The following AK5 variants were observed in gnomAD, a reference collection of about 807,000 sequenced individuals.
AK5 encodes adenylate kinase 5.
Under a neutral mutation model 69.5 loss-of-function variants are expected in AK5, and 27 were observed. The observed-to-expected ratio is 0.39, with a 90% CI of 0.29 to 0.54. AK5 has a LOEUF of 0.54. Ranked by LOEUF, AK5 falls within the 20% of genes least tolerant of loss-of-function variation. The probability of loss-of-function intolerance (pLI) is 0.71; values close to 1 mark genes in which losing one functional copy is unlikely to be tolerated. For synonymous variants in AK5, 260 were observed against 244.4 expected, an observed-to-expected ratio of 1.06 and a Z score of -0.60; for missense variants, 531 against 700.4, an observed-to-expected ratio of 0.76 and a Z score of 2.73.
chr1:77,347,423 G>A (rs1661971295), intron 6 of AK5, among the ~76,000 whole-genome samples: 2 of 150,950 alleles, frequency 1.3e-5, no homozygotes, highest in South Asian at 2.1e-4. Context: ...AGATGGTGCC[G>A]TTCTCAGAAA....
At chr1:77,355,902 CACAT>C (rs998666419) in intron 6 of AK5, among the ~76,000 whole-genome samples, 47 of 134,464 alleles carry the variant, frequency 3.5e-4, no homozygotes, top group African/African-American at 7.5e-4. Flanking sequence ...CACACACACA[CACAT>C]ATATATATAC....
intron 13 of AK5, among the ~76,000 whole-genome samples, chr1:77,550,305 T>A (rs1195828904): frequency 6.6e-6 from 1 of 152,206 alleles, no homozygotes; most frequent in Non-Finnish European, 1.5e-5. Flanking sequence ...ATTAAATACA[T>A]TAAGACCTCA....
intron 8 of AK5, among the ~76,000 whole-genome samples, chr1:77,449,933 T>C (rs1653035649): frequency 6.6e-6 from 1 of 152,202 alleles, no homozygotes; most frequent in Non-Finnish European, 1.5e-5. Context: ...TTATGCTGTT[T>C]CCCTTTTAAA....
At chr1:77,477,258 G>A (rs1437705484) in intron 8 of AK5, among the ~76,000 whole-genome samples, 2 of 152,120 alleles carry the variant, frequency 1.3e-5, no homozygotes, top group African/African-American at 4.8e-5. Context: ...AAACTCCTGG[G>A]CTCAAATGAT....
At chr1:77,286,913 T>G in intron 1 of AK5, 28 bp from the exon 2 acceptor site, 1 of 1,331,004 alleles carries the variant, frequency 7.5e-7, no homozygotes. Context: ...AAAGATATTT[T>G]ATTTGTACAT....
At chr1:77,302,686 C>A (rs560646124) in intron 5 of AK5, among the ~76,000 whole-genome samples, 64 of 152,222 alleles carry the variant, frequency 4.2e-4, no homozygotes, top group African/African-American at 1.5e-3. Context: ...GCTTTTTTAA[C>A]CTTGTGCGGT....
rs963145158 is a variant in AK5, at chr1:77,367,357, C to A, written c.891+26789C>A. On this transcript the variant is annotated intron_variant, in intron 6 of 13. Transcript: ENST00000354567. ...TGGTTTTTGTTTTTTGAGACAGGAT[C>A]TCACTCTGTCACCCAGGCTGCAGTG... Among the ~76,000 whole-genome samples the A allele has an allele frequency of 5.3e-5, 8 of 150,060 alleles. No homozygotes were observed. The Admixed American group carries it at 5.4e-4, about 10-fold the overall frequency.
At chr1:77,515,527 C>A (rs1657585281) in intron 10 of AK5, among the ~76,000 whole-genome samples, 1 of 152,190 alleles carries the variant, frequency 6.6e-6, no homozygotes, top group South Asian at 2.1e-4. Context: ...TTATGGTGCA[C>A]TTACGATGTG....
At chr1:77,435,450 C>A (rs1651896097) in intron 8 of AK5, among the ~76,000 whole-genome samples, 1 of 152,040 alleles carries the variant, frequency 6.6e-6, no homozygotes, top group Admixed American at 6.6e-5. Flanking sequence ...GAGACCGAGA[C>A]CATCGTGGCC....
At chr1:77,485,143 A>G (rs1037571118) in intron 9 of AK5, among the ~76,000 whole-genome samples, 1 of 152,206 alleles carries the variant, frequency 6.6e-6, no homozygotes, top group African/African-American at 2.4e-5. Context: ...ACTCCAAACA[A>G]TGTAAGGTGT....
chr1:77,487,303 T>C (rs2100730403), intron 10 of AK5, among the ~76,000 whole-genome samples: 1 of 152,322 alleles, frequency 6.6e-6, no homozygotes, highest in South Asian at 2.1e-4. Context: ...ATGAAGCTAA[T>C]GAGTGTGTGA....
chr1:77,436,701 AT>A (rs1651983542), intron 8 of AK5, among the ~76,000 whole-genome samples: 1 of 151,958 alleles, frequency 6.6e-6, no homozygotes, highest in Non-Finnish European at 1.5e-5. Context: ...TTTATAAATG[AT>A]TATACCATTT....
intron 6 of AK5, among the ~76,000 whole-genome samples, chr1:77,400,751 C>T (rs1487318106): frequency 6.6e-6 from 1 of 151,934 alleles, no homozygotes; most frequent in Non-Finnish European, 1.5e-5. Flanking sequence ...TTTTTCCCCA[C>T]AAAGTTCTCT....
chr1:77,356,813 A>G (rs573727568), intron 6 of AK5, among the ~76,000 whole-genome samples: 32 of 152,312 alleles, frequency 2.1e-4, no homozygotes, highest in African/African-American at 7.2e-4. Flanking sequence ...CTGACAAGAG[A>G]GAAATTCCCA....
At position 77,293,820 on chromosome 1, in the gene AK5, A is replaced by G. The variant is rs753053831; in HGVS notation, c.275A>G (p.Tyr92Cys). 2.5e-6 allele frequency: 4 copies of G among 1,605,716 alleles called. No homozygotes were observed. The highest frequency in any genetic ancestry group is 2.3e-5 in the South Asian group (2 of 88,518). Residue 92 changes from tyrosine (Y) to cysteine (C), a missense_variant, in exon 3 of 14, where the codon TAT (tyrosine) becomes TGT (cysteine). Physicochemically the swap from Tyr to Cys is radical, Grantham distance 194. Coordinates refer to ENST00000354567, the MANE Select transcript of AK5 (RefSeq NM_174858.3). ...ATGCCTGAAAACTCAAACTTTCCAT[A>G]TCGGCGGTATGACCGGCTCCCTCCA... ...NVMPENSNFP[Y>C]RRYDRLPPIH...
At chr1:77,439,506 T>C (rs1323901819) in intron 8 of AK5, among the ~76,000 whole-genome samples, 1 of 152,110 alleles carries the variant, frequency 6.6e-6, no homozygotes, top group Non-Finnish European at 1.5e-5. Context: ...TCTTTTTATC[T>C]AACTGCATTT....
intron 13 of AK5, among the ~76,000 whole-genome samples, chr1:77,543,942 C>T (rs1468072422): frequency 1.3e-5 from 2 of 152,140 alleles, no homozygotes; most frequent in African/African-American, 2.4e-5. Context: ...CACACACACA[C>T]ACACACAGTC....
intron 11 of AK5, 126 bp downstream of exon 11, chr1:77,518,853 C>A: frequency 2.1e-6 from 2 of 959,254 alleles, no homozygotes; most frequent in Non-Finnish European, 3.1e-6. Flanking sequence ...TATTATTTCC[C>A]TCCTTTGCAG....
At chr1:77,296,945 T>C (rs1450836149) in intron 3 of AK5, among the ~76,000 whole-genome samples, 2 of 152,204 alleles carry the variant, frequency 1.3e-5, no homozygotes, top group African/African-American at 4.8e-5. Context: ...ATGAGTTCAC[T>C]GTAGGTGTGT....
Sources: allele counts gnomAD v4.1 joint callset (sites outside exome capture counted in the v4.1 genomes callset), GRCh38; gene constraint gnomAD v4.1.1; transcripts MANE v1.5; gene names NCBI Gene and HGNC (gene_info 2026-07-23, HGNC 2026-07-21).